Variants in SEZ6L2 observed in about 807,000 individuals in gnomAD.
SEZ6L2 encodes the protein seizure related 6 homolog like 2.
A neutral mutation model predicts 97.0 loss-of-function variants in SEZ6L2; 44 were observed. The observed-to-expected ratio is 0.45, with a 90% CI of 0.36 to 0.58. The LOEUF (loss-of-function observed/expected upper bound fraction) is 0.58. SEZ6L2 is among the 20% of genes least tolerant of loss of function. The pLI is 0.00. For missense variants in SEZ6L2, 1,086 were observed against 1,233.3 expected (o/e 0.88, Z 1.79); for synonymous variants, 543 against 546.1 (o/e 0.99, Z 0.08).
At position 29,876,924 on chromosome 16, in the gene SEZ6L2, C is replaced by T; in HGVS notation, c.1936G>A (p.Glu646Lys). The T allele has an allele frequency of 2.5e-6, 4 of 1,610,602 alleles. No individual in the cohort carries two copies. In the South Asian group the frequency reaches 3.3e-5, roughly 13 times the overall value. Residue 646 changes from glutamate (E) to lysine (K), a missense_variant, in exon 12 of 18, where the codon GAG becomes AAG. Glu to Lys is a moderately conservative substitution (Grantham distance 56). Around this residue, in one of 2 missense-constraint regions of SEZ6L2, gnomAD observed 310 missense variants for 438.6 expected, o/e 0.71. Coordinates refer to ENST00000617533, the MANE Select transcript of SEZ6L2 (RefSeq NM_001243332.2). This position sits in a 1 kb window ranked among gnomAD's most constrained non-coding sequence, Gnocchi z 6.5. ...KEVPRNDTCP[E>K]LPPPEWGWRT... is the part of the protein sequence containing the mutation. ...CAGCCCCACTCCGGAGGTGGCAGCTCGGGGCACGTGTCGTTCCTCGGGACC... is the reference window on the plus strand; with the variant it reads ...CAGCCCCACTCCGGAGGTGGCAGCTTGGGGCACGTGTCGTTCCTCGGGACC...
Position 29,873,597 on chromosome 16 carries a change from G to A in SEZ6L2, c.2237C>T (p.Thr746Ile), listed in dbSNP as rs1293841084. 6.2e-7 allele frequency: 1 copy of A among 1,614,182 alleles called. No homozygotes were observed. The highest frequency in any genetic ancestry group is 1.1e-5 in the South Asian group (1 of 91,084). The change falls in exon 13 of 18, where the codon ACC (threonine) becomes ATC (isoleucine). Residue 746 changes from threonine to isoleucine, a missense_variant. By Grantham distance (89) the Thr-to-Ile change is moderately conservative. This residue lies in a region of SEZ6L2 where 310 missense variants were observed against 438.6 expected (regional missense o/e 0.71). Coordinates refer to ENST00000617533, the MANE Select transcript of SEZ6L2 (RefSeq NM_001243332.2). This position sits in a 1 kb window ranked among gnomAD's most constrained non-coding sequence, Gnocchi z 4.3. ...TGTGCCTGTGTCCCGGCTGTAGCAG[G>A]TGAGCATGGCTGCCCCCTCGAGGCT... is the stretch of plus-strand genomic sequence containing the variant. ...GYSLEGAAML[T>I]CYSRDTGTPK...
Position 29,871,583 on chromosome 16 carries a change from T to C in SEZ6L2, c.*116A>G. The C allele has an allele frequency of 9.7e-7, 1 of 1,025,948 alleles. No homozygotes were observed. The highest frequency in any genetic ancestry group is 1.5e-6 in the Non-Finnish European group (1 of 667,810). 63.6% of individuals were successfully genotyped at this position (1,025,948 alleles called of 1,614,324 possible). On this transcript the variant is annotated 3_prime_UTR_variant, in exon 18 of 18. Coordinates refer to ENST00000617533, the MANE Select transcript of SEZ6L2 (RefSeq NM_001243332.2). ...AAGCCCCCTCGTGGGATAGGGAGAC[T>C]ATTTACACAGCCAGGGAGGAGGGCA...
In SEZ6L2 at chr16:29,897,094, G is replaced by T. The variant is rs1462123751; in HGVS notation, c.239C>A (p.Thr80Asn). The change falls in exon 3 of 18, where the codon ACC becomes AAC. Residue 80 changes from threonine to asparagine, a missense_variant. Coordinates refer to ENST00000617533, the MANE Select transcript of SEZ6L2 (RefSeq NM_001243332.2). ...PGSDRDPTLA[T>N]PPAGQTLAVP... is the part of the protein sequence containing the mutation. ...TGCGAGAGTCTGGCCGGCCGGAGGG[G>T]TGGCTAGCGTGGGGTCCCGATCAGA... The T allele has an allele frequency of 6.3e-7, 1 of 1,579,520 alleles. No homozygotes were observed. Among genetic ancestry groups the T allele is most frequent in the Non-Finnish European group, 8.5e-7 (1 of 1,170,292 alleles).
intron 7 of SEZ6L2, 56 bp from the exon 8 acceptor site, chr16:29,885,805 C>A: frequency 6.5e-7 from 1 of 1,541,102 alleles, no homozygotes. Context: ...GCTGCCTCAC[C>A]CCTTGCCTGC....
chr16:29,874,640 G>A (rs1251538178), intron 12 of SEZ6L2, among the ~76,000 whole-genome samples: 2 of 130,512 alleles, frequency 1.5e-5, no homozygotes, highest in Non-Finnish European at 3.1e-5. Flanking sequence ...GGCGCATCTC[G>A]GCTCACTGCA....
At chr16:29,871,876 C>T (rs1037813899) in intron 17 of SEZ6L2, 148 bp from the exon 18 acceptor site, 27 of 757,410 alleles carry the variant, frequency 3.6e-5, no homozygotes, top group Non-Finnish European at 5.7e-5. Flanking sequence ...GTTCATCCTA[C>T]GGTGTCGTAA....
intron 14 of SEZ6L2, 71 bp from the exon 15 acceptor site, chr16:29,872,814 C>A (rs2067814252): frequency 1.5e-6 from 2 of 1,305,172 alleles, no homozygotes; most frequent in Non-Finnish European, 2.2e-6. Context: ...GGGCCGGGAG[C>A]CCGGTGGGGC....
Position 29,878,375 on chromosome 16 carries a change from C to T in SEZ6L2, c.1624G>A (p.Asp542Asn), listed in dbSNP as rs1293374091. 5 of 1,608,860 alleles carry T rather than the reference C, an allele frequency of 3.1e-6. No individual in the cohort carries two copies. Among genetic ancestry groups the T allele is most frequent in the Admixed American group, 1.7e-5 (1 of 59,522 alleles). Residue 542 changes from aspartate (D) to asparagine (N), a missense_variant, in exon 10 of 18, where the codon GAC (aspartate) becomes AAC (asparagine). This residue lies in a region of SEZ6L2 where 776 missense variants were observed against 794.7 expected (regional missense o/e 0.98). Transcript: ENST00000617533. ...SEPAGVVLSP[D>N]WPQSYSPGQD... ...CCCGGGCTATAGCTCTGGGGCCAGT[C>T]GGGAGAGAGGACCACGCCAGCTGGT... is the stretch of plus-strand genomic sequence containing the variant.
At chr16:29,883,697 C>T (rs941872654) in intron 8 of SEZ6L2, among the ~76,000 whole-genome samples, 1 of 151,912 alleles carries the variant, frequency 6.6e-6, no homozygotes, top group Non-Finnish European at 1.5e-5. Context: ...TTTGAGAGGC[C>T]GAGGTGGGAG....
At position 29,871,408 on chromosome 16, in the gene SEZ6L2, G is replaced by A. The variant is rs925647673; in HGVS notation, c.*291C>T. ...CTTGAGGGGTGCCCTGGGCAGGAGG[G>A]GCTGCAAGATTTGCAGGGAGGCAGA... is the stretch of plus-strand genomic sequence containing the variant. On this transcript the variant is annotated 3_prime_UTR_variant, in exon 18 of 18. Coordinates refer to ENST00000617533, the MANE Select transcript of SEZ6L2 (RefSeq NM_001243332.2). 8 of 540,666 alleles carry A rather than the reference G, an allele frequency of 1.5e-5. No individual in the cohort carries two copies. In the East Asian group the frequency reaches 2.5e-4, roughly 17 times the overall value. The allele number at this position is 540,666 out of a possible 1,614,324, so 33.5% of individuals were successfully genotyped here.
chr16:29,896,021 G>A (rs1053034469), intron 3 of SEZ6L2, among the ~76,000 whole-genome samples, 161 bp from the exon 4 acceptor site: 1 of 152,092 alleles, frequency 6.6e-6, no homozygotes, highest in Non-Finnish European at 1.5e-5. Context: ...GGAGTGCAGT[G>A]GTGCAATCAT....
At chr16:29,889,313 C>T (rs529683124) in intron 5 of SEZ6L2, among the ~76,000 whole-genome samples, 1 of 152,158 alleles carries the variant, frequency 6.6e-6, no homozygotes, top group Admixed American at 6.6e-5. Flanking sequence ...GTGGTGGGTG[C>T]CTGTAATCCC....
chr16:29,873,282 C>T lies in SEZ6L2; in HGVS notation c.2446G>A (p.Gly816Ser), dbSNP rs767210560. The T allele has an allele frequency of 5.6e-6, 9 of 1,613,992 alleles. No individual in the cohort carries two copies. The highest frequency in any genetic ancestry group is 1.7e-5 in the Admixed American group (1 of 60,010). Reference sequence around the variant, plus strand: ...TGGCTGGTCCACTGGGAGGGGTGGCCGGGCACACAGGTGATGGTGACCTCG... The same window carrying T: ...TGGCTGGTCCACTGGGAGGGGTGGCTGGGCACACAGGTGATGGTGACCTCG... ...IGEVTITCVP[G>S]HPSQWTSQPP... Residue 816 changes from glycine to serine, a missense_variant, in exon 14 of 18, where the codon GGC (glycine) becomes AGC (serine). Around this residue, in one of 2 missense-constraint regions of SEZ6L2, gnomAD observed 310 missense variants for 438.6 expected, o/e 0.71. Transcript: ENST00000617533. The surrounding 1 kb of genome is among the most constrained non-coding windows in gnomAD (Gnocchi z 4.3).
In SEZ6L2 at chr16:29,895,091, A is replaced by C. The variant is rs139603062; in HGVS notation, c.853+168T>G. On this transcript the variant is annotated intron_variant, in intron 5 of 17. Coordinates refer to ENST00000617533, the MANE Select transcript of SEZ6L2 (RefSeq NM_001243332.2). ...CTACTTGAGAGGCTGAGGCAGGAGA[A>C]TGGCGTGAACCTGGGAGGCAGAGCT... Among the ~76,000 whole-genome samples the C allele has an allele frequency of 9.1e-3, 1,375 of 151,458 alleles. 12 individuals are homozygous for C. The highest frequency in any genetic ancestry group is 0.031 in the African/African-American group (1,261 of 41,288).
chr16:29,879,876 G>A lies in SEZ6L2; in HGVS notation c.1561C>T (p.Pro521Ser), dbSNP rs754389414. 2 of 1,606,160 alleles carry A rather than the reference G, an allele frequency of 1.2e-6. No homozygotes were observed. The highest frequency in any genetic ancestry group is 1.3e-5 in the African/African-American group (1 of 74,770). The change falls in exon 9 of 18, where the codon CCG becomes TCG. Residue 521 changes from proline to serine, a missense_variant. Physicochemically the swap from Pro to Ser is moderately conservative, Grantham distance 74 (BLOSUM62 -1). Around this residue, in one of 2 missense-constraint regions of SEZ6L2, gnomAD observed 776 missense variants for 794.7 expected, o/e 0.98. Transcript: ENST00000617533. ...AAGGAAGGCTCACCTTTGCAGGCCGGCTCTGTGTCGTTCCAGTGGGGTTCT... is the reference window on the plus strand; with the variant it reads ...AAGGAAGGCTCACCTTTGCAGGCCGACTCTGTGTCGTTCCAGTGGGGTTCT... ...PTEPHWNDTE[P>S]ACKAMCGGEL...
intron 15 of SEZ6L2, 37 bp downstream of exon 15, chr16:29,872,668 C>T: frequency 6.2e-7 from 1 of 1,610,444 alleles, no homozygotes; most frequent in Non-Finnish European, 8.5e-7. Flanking sequence ...CCCTCCCAAC[C>T]TGGCCAGCCT....
At chr16:29,886,916 T>G (rs1267207302) in intron 7 of SEZ6L2, among the ~76,000 whole-genome samples, 4 of 152,078 alleles carry the variant, frequency 2.6e-5, no homozygotes, top group Non-Finnish European at 4.4e-5. Context: ...GTGTGGTGGC[T>G]CACGCCTATA....
chr16:29,888,658 G>C lies in SEZ6L2; in HGVS notation c.921C>G (p.His307Gln), dbSNP rs1382898102. 1 of 1,614,016 alleles carries C rather than the reference G, an allele frequency of 6.2e-7. No homozygotes were observed. The highest frequency in any genetic ancestry group is 2.2e-5 in the East Asian group (1 of 44,880). Reference protein sequence around the residue: ...AHGDVSVTDLHPGGTATFHCD... With the variant: ...AHGDVSVTDLQPGGTATFHCD... ...AGTGAAAGGTGGCAGTGCCCCCAGG[G>C]TGCAGGTCCGTCACACTCACGTCCC... The change falls in exon 6 of 18, where the codon CAC becomes CAG. Residue 307 changes from histidine to glutamine, a missense_variant. Physicochemically the swap from His to Gln is conservative, Grantham distance 24. This residue lies in a region of SEZ6L2 where 776 missense variants were observed against 794.7 expected (regional missense o/e 0.98). Transcript: ENST00000617533.
chr16:29,878,684 A>G (rs2150786559), intron 9 of SEZ6L2, among the ~76,000 whole-genome samples: 1 of 150,148 alleles, frequency 6.7e-6, no homozygotes, highest in African/African-American at 2.5e-5. Flanking sequence ...TCCCTGGTTC[A>G]CGCCATTCTC....
Sources: gnomAD v4.1 joint callset for allele counts (sites outside exome capture counted in the v4.1 genomes callset) on GRCh38, gnomAD v4.1.1 for gene constraint, gnomAD v4.1.1 regional missense constraint, Gnocchi (gnomAD v3.1) non-coding constraint, MANE v1.5 for transcripts, NCBI Gene and HGNC (gene_info 2026-07-23, HGNC 2026-07-21) for gene names.